Variants in CADM2 observed in about 807,000 individuals in gnomAD.
CADM2 encodes cell adhesion molecule 2.
In CADM2, 12 loss-of-function variants were observed where a neutral mutation model predicts 49.8. That is an observed-to-expected ratio of 0.24 (90% CI 0.15 to 0.39). The LOEUF is 0.39. CADM2 is among the 10% of genes least tolerant of loss of function. The probability of loss-of-function intolerance (pLI) is 1.00; values close to 1 mark genes in which losing one functional copy is unlikely to be tolerated. For synonymous variants in CADM2, 214 were observed against 175.4 expected, an observed-to-expected ratio of 1.22 and a Z score of -1.74; for missense variants, 378 against 492.3, an observed-to-expected ratio of 0.77 and a Z score of 2.20.
chr3:85,921,668 A>T (rs1177609696), intron 6 of CADM2, among the ~76,000 whole-genome samples: 2 of 152,088 alleles, frequency 1.3e-5, no homozygotes, highest in African/African-American at 4.8e-5. Flanking sequence ...ATTGTTAAGT[A>T]AAGTACATCC....
chr3:85,613,653 T>C (rs1257102782), intron 1 of CADM2, among the ~76,000 whole-genome samples: 11 of 151,722 alleles, frequency 7.3e-5, no homozygotes, highest in African/African-American at 2.2e-4. Context: ...TTTTAATTTA[T>C]TTTTATACCT....
chr3:85,847,399 G>T (rs1282121717), intron 3 of CADM2, among the ~76,000 whole-genome samples: 1 of 152,114 alleles, frequency 6.6e-6, no homozygotes, highest in Non-Finnish European at 1.5e-5. Context: ...TCAGCTACCC[G>T]GTGATTAGCA....
chr3:85,155,659 A>T (rs1379302595), intron 1 of CADM2, among the ~76,000 whole-genome samples: 1 of 151,938 alleles, frequency 6.6e-6, no homozygotes, highest in Non-Finnish European at 1.5e-5. Flanking sequence ...ACCACACCAC[A>T]CCTATTCCAA....
intron 1 of CADM2, among the ~76,000 whole-genome samples, chr3:85,066,087 C>A (rs558586311): frequency 6.6e-6 from 1 of 152,002 alleles, no homozygotes; most frequent in African/African-American, 2.4e-5. Flanking sequence ...CTACAACAAA[C>A]TAAAAGAAAA....
intron 1 of CADM2, among the ~76,000 whole-genome samples, chr3:85,674,790 C>A (rs1195783879): frequency 1.3e-5 from 2 of 152,042 alleles, no homozygotes; most frequent in African/African-American, 2.4e-5. Context: ...ACATTCATAT[C>A]CTTCCTGGTG....
At chr3:85,105,565 A>G (rs907814153) in intron 1 of CADM2, among the ~76,000 whole-genome samples, 1 of 152,134 alleles carries the variant, frequency 6.6e-6, no homozygotes, top group Non-Finnish European at 1.5e-5. Context: ...AACTAGAAAT[A>G]CCATTTGACC....
intron 3 of CADM2, among the ~76,000 whole-genome samples, chr3:85,878,328 A>C (rs1414929924): frequency 6.6e-6 from 1 of 152,116 alleles, no homozygotes; most frequent in African/African-American, 2.4e-5. Flanking sequence ...AACTTGCTCA[A>C]GTTAATATGA....
intron 1 of CADM2, among the ~76,000 whole-genome samples, chr3:85,165,869 A>G (rs1164244599): frequency 6.6e-6 from 1 of 151,758 alleles, no homozygotes. Context: ...ATTTGTATCA[A>G]CTGTCTTGGG....
chr3:85,980,070 A>G (rs1046696061), intron 8 of CADM2, among the ~76,000 whole-genome samples: 3 of 151,522 alleles, frequency 2.0e-5, no homozygotes, highest in South Asian at 2.1e-4. Context: ...AAATGAAGCC[A>G]TTATAGAAAA....
chr3:84,968,392 C>T (rs558658538), intron 1 of CADM2, among the ~76,000 whole-genome samples: 7 of 152,040 alleles, frequency 4.6e-5, no homozygotes, highest in Non-Finnish European at 8.8e-5. Context: ...TAATTATGCA[C>T]GTGTCCTCAT....
intron 1 of CADM2, among the ~76,000 whole-genome samples, chr3:84,997,221 A>G (rs1349492743): frequency 1.3e-5 from 2 of 152,088 alleles, no homozygotes; most frequent in Non-Finnish European, 2.9e-5. Context: ...TACTTAGTTA[A>G]AACCTATTTA....
At chr3:85,580,514 G>T (rs1416036621) in intron 1 of CADM2, among the ~76,000 whole-genome samples, 3 of 152,110 alleles carry the variant, frequency 2.0e-5, no homozygotes, top group Non-Finnish European at 4.4e-5. Context: ...GGTGGTAAAG[G>T]TGGCTTGTGG....
chr3:84,984,422 CCT>C (rs953842663), intron 1 of CADM2, among the ~76,000 whole-genome samples: 5 of 147,736 alleles, frequency 3.4e-5, no homozygotes, highest in Non-Finnish European at 7.4e-5. Context: ...ATCTCCCTTA[CCT>C]CCCATGTTAA....
At chr3:85,990,545 G>A (rs927349169) in intron 8 of CADM2, among the ~76,000 whole-genome samples, 8 of 152,150 alleles carry the variant, frequency 5.3e-5, no homozygotes, top group Non-Finnish European at 1.2e-4. Flanking sequence ...ACGCATTATG[G>A]AACTTGATAA....
intron 1 of CADM2, among the ~76,000 whole-genome samples, chr3:85,398,295 T>G (rs1259403353): frequency 6.6e-6 from 1 of 151,606 alleles, no homozygotes; most frequent in East Asian, 2.0e-4. Context: ...CTGACAATGA[T>G]GGTTTCCAGC....
intron 1 of CADM2, among the ~76,000 whole-genome samples, chr3:85,240,306 C>A (rs2042502040): frequency 6.6e-6 from 1 of 151,218 alleles, no homozygotes; most frequent in Non-Finnish European, 1.5e-5. Context: ...AGAGCTATTT[C>A]TTGAAATCAT....
intron 1 of CADM2, among the ~76,000 whole-genome samples, chr3:85,380,999 A>C (rs1330453443): frequency 3.9e-5 from 6 of 152,104 alleles, no homozygotes; most frequent in Non-Finnish European, 2.9e-5. Flanking sequence ...ATATTTTAGA[A>C]GAGAAACACA....
At chr3:85,608,199 T>C (rs1405449235) in intron 1 of CADM2, among the ~76,000 whole-genome samples, 1 of 152,142 alleles carries the variant, frequency 6.6e-6, no homozygotes, top group Non-Finnish European at 1.5e-5. Context: ...TGAAACCTTA[T>C]TTTAAAAATA....
intron 1 of CADM2, among the ~76,000 whole-genome samples, chr3:85,351,966 C>T (rs2031394625): frequency 6.6e-6 from 1 of 151,968 alleles, no homozygotes; most frequent in Non-Finnish European, 1.5e-5. Context: ...GCAACACACA[C>T]AGATATCCAT....
Sources: gnomAD v4.1 joint callset for allele counts (sites outside exome capture counted in the v4.1 genomes callset) on GRCh38, gnomAD v4.1.1 for gene constraint, MANE v1.5 for transcripts, NCBI Gene and HGNC (gene_info 2026-07-23, HGNC 2026-07-21) for gene names.